MCTP1: variants seen among roughly 807,000 people sequenced by gnomAD.
The protein encoded by MCTP1 is multiple C2 and transmembrane domain containing 1.
A neutral mutation model predicts 120.6 loss-of-function variants in MCTP1; 69 were observed. The ratio of observed to expected loss-of-function variants is 0.57; its 90% CI spans 0.47 to 0.70. MCTP1 has a LOEUF of 0.70. Ranked by LOEUF, MCTP1 falls within the 30% of genes least tolerant of loss-of-function variation. The pLI, the probability that MCTP1 is intolerant of heterozygous loss-of-function variation, is 0.00. For synonymous variants in MCTP1, 529 were observed against 493.1 expected, an observed-to-expected ratio of 1.07 and a Z score of -0.96; for missense variants, 1,203 against 1,248.8, an observed-to-expected ratio of 0.96 and a Z score of 0.55.
At chr5:95,197,913 T>C (rs896423711) in intron 1 of MCTP1, among the ~76,000 whole-genome samples, 2 of 152,178 alleles carry the variant, frequency 1.3e-5, no homozygotes, top group African/African-American at 2.4e-5. Context: ...ACATCATCTC[T>C]AGATTACACA....
chr5:95,278,058 T>C (rs1759992924), intron 1 of MCTP1, among the ~76,000 whole-genome samples: 1 of 151,812 alleles, frequency 6.6e-6, no homozygotes, highest in Non-Finnish European at 1.5e-5. Flanking sequence ...TTGGAGACTT[T>C]AGGGACATTG....
At chr5:94,740,721 A>G (rs1434110807) in intron 19 of MCTP1, among the ~76,000 whole-genome samples, 1 of 152,154 alleles carries the variant, frequency 6.6e-6, no homozygotes, top group East Asian at 1.9e-4. Flanking sequence ...CCGAGTGCCA[A>G]CTGTGTGCAG....
chr5:94,783,624 T>C (rs1260203454), intron 18 of MCTP1, among the ~76,000 whole-genome samples: 1 of 152,010 alleles, frequency 6.6e-6, no homozygotes, highest in Non-Finnish European at 1.5e-5. Flanking sequence ...GAAAAGTGGG[T>C]TCAGGTAGAC....
intron 19 of MCTP1, among the ~76,000 whole-genome samples, chr5:94,726,170 T>C (rs1762093763): frequency 6.6e-6 from 1 of 152,164 alleles, no homozygotes; most frequent in African/African-American, 2.4e-5. Flanking sequence ...CTGCCTCAAT[T>C]TGTGCTCACT....
intron 19 of MCTP1, among the ~76,000 whole-genome samples, chr5:94,759,973 T>G (rs1240757338): frequency 9.5e-5 from 3 of 31,424 alleles, no homozygotes; most frequent in Admixed American, 7.3e-4. Flanking sequence ...CTGTTGAGGG[T>G]TTTTTTTTTT....
intron 1 of MCTP1, among the ~76,000 whole-genome samples, chr5:95,078,761 A>G (rs1754221340): frequency 6.6e-6 from 1 of 152,104 alleles, no homozygotes; most frequent in South Asian, 2.1e-4. Flanking sequence ...TTCTACTACT[A>G]ATTGTGTGAT....
At chr5:94,783,738 GAATT>G (rs1329305781) in intron 18 of MCTP1, among the ~76,000 whole-genome samples, 1 of 151,998 alleles carries the variant, frequency 6.6e-6, no homozygotes, top group African/African-American at 2.4e-5. Context: ...AAAGGCCCAT[GAATT>G]ATTTTTAAAA....
intron 1 of MCTP1, among the ~76,000 whole-genome samples, chr5:95,184,893 C>A (rs1749025346): frequency 1.3e-5 from 2 of 152,130 alleles, no homozygotes; most frequent in South Asian, 4.1e-4. Context: ...CTTCAACCCC[C>A]TATGATTCCA....
At chr5:94,849,820 C>A (rs1286720689) in intron 17 of MCTP1, among the ~76,000 whole-genome samples, 2 of 151,942 alleles carry the variant, frequency 1.3e-5, no homozygotes, top group East Asian at 3.9e-4. Context: ...GTCAATAATT[C>A]CAAAAAACTG....
chr5:94,760,347 C>T (rs1771037076), intron 19 of MCTP1, among the ~76,000 whole-genome samples: 1 of 152,196 alleles, frequency 6.6e-6, no homozygotes, highest in African/African-American at 2.4e-5. Flanking sequence ...AAGGCTGTGA[C>T]AAGCAAACTA....
chr5:95,174,659 C>T (rs1000453365), intron 1 of MCTP1, among the ~76,000 whole-genome samples: 3 of 152,178 alleles, frequency 2.0e-5, no homozygotes, highest in African/African-American at 7.2e-5. Flanking sequence ...GCGTAATTCA[C>T]ATGTAAAATG....
At chr5:95,057,841 G>A (rs879118754) in intron 1 of MCTP1, among the ~76,000 whole-genome samples, 6 of 152,104 alleles carry the variant, frequency 3.9e-5, no homozygotes, top group Admixed American at 6.5e-5. Context: ...ATGTCAAACC[G>A]GAAGAATGGG....
chr5:95,175,968 A>C lies in MCTP1; in HGVS notation c.720+107888T>G, dbSNP rs139046578. ...CTAGCAGAATATCAGGATAAGATGG[A>C]CAAAACGCAGGCTGAAAGGCAAGAA... is the stretch of plus-strand genomic sequence containing the variant. On this transcript the variant is annotated intron_variant, in intron 1 of 22. Transcript: ENST00000515393. 7.6e-3 allele frequency among the ~76,000 whole-genome samples: 1,150 copies of C among 152,308 alleles called. 9 individuals are homozygous for C. Among genetic ancestry groups the C allele is most frequent in the Non-Finnish European group, 9.9e-3 (672 of 68,026 alleles).
chr5:94,817,275 C>T (rs1784651257), intron 17 of MCTP1, among the ~76,000 whole-genome samples: 1 of 152,022 alleles, frequency 6.6e-6, no homozygotes, highest in East Asian at 1.9e-4. Context: ...TGGTGGCATG[C>T]CGCATGCCTG....
intron 17 of MCTP1, chr5:94,867,195 TGA>T: frequency 1.5e-6 from 2 of 1,368,562 alleles, no homozygotes; most frequent in South Asian, 1.7e-5. Flanking sequence ...AAAAGAATAC[TGA>T]GAGAGACAGA....
intron 2 of MCTP1, among the ~76,000 whole-genome samples, chr5:94,958,745 C>A (rs1385642076): frequency 6.6e-6 from 1 of 152,122 alleles, no homozygotes; most frequent in Non-Finnish European, 1.5e-5. Flanking sequence ...CTGAATAGAC[C>A]AATAACAAGT....
intron 1 of MCTP1, among the ~76,000 whole-genome samples, chr5:95,202,542 C>T (rs369303584): frequency 1.4e-4 from 22 of 152,272 alleles, no homozygotes; most frequent in African/African-American, 5.1e-4. Flanking sequence ...CTGACTAGTA[C>T]AATTTCTTTG....
intron 1 of MCTP1, among the ~76,000 whole-genome samples, chr5:95,160,622 A>T (rs1481905337): frequency 6.6e-6 from 1 of 152,238 alleles, no homozygotes; most frequent in Non-Finnish European, 1.5e-5. Flanking sequence ...CATTAAACTA[A>T]AAAGCTTCTG....
At chr5:95,117,981 G>A (rs1018615120) in intron 1 of MCTP1, among the ~76,000 whole-genome samples, 2 of 152,180 alleles carry the variant, frequency 1.3e-5, no homozygotes, top group African/African-American at 4.8e-5. Context: ...CACGGACACA[G>A]GGAGAAGAAA....
Sources: allele counts gnomAD v4.1 joint callset (sites outside exome capture counted in the v4.1 genomes callset), GRCh38; gene constraint gnomAD v4.1.1; transcripts MANE v1.5; gene names NCBI Gene and HGNC (gene_info 2026-07-23, HGNC 2026-07-21).